Variants in ERG observed in about 807,000 individuals in gnomAD.
ERG encodes the protein transcriptional regulator ERG.
A neutral mutation model predicts 55.3 loss-of-function variants in ERG; 9 were observed. The ratio of observed to expected loss-of-function variants is 0.16; its 90% CI spans 0.10 to 0.28. The LOEUF (loss-of-function observed/expected upper bound fraction) is 0.28. Ranked by LOEUF, ERG falls within the 10% of genes least tolerant of loss-of-function variation. The probability of loss-of-function intolerance (pLI) is 1.00; values close to 1 mark genes in which losing one functional copy is unlikely to be tolerated. For synonymous variants in ERG, 223 were observed against 237.3 expected (o/e 0.94, Z 0.55); for missense variants, 434 against 631.6 (o/e 0.69, Z 3.35).
Position 38,380,809 on chromosome 21 carries a change from AT to A in ERG, c.*2593del. On this transcript the variant is annotated 3_prime_UTR_variant, in exon 10 of 10. Transcript: ENST00000288319. ...ACATCTGTTAAAATTGAATATGATA[AT>A]CATGTCTTGTTTTTATGATCTTGCT... 4 of 1,064,586 alleles carry A rather than the reference AT, an allele frequency of 3.8e-6. No homozygotes were observed. The South Asian group carries it at 1.4e-4, about 36-fold the overall frequency. 65.9% of individuals were successfully genotyped at this position (1,064,586 alleles called of 1,614,324 possible).
intron 2 of ERG, among the ~76,000 whole-genome samples, chr21:38,545,646 G>A (rs534572072): frequency 1.3e-5 from 2 of 152,280 alleles, no homozygotes; most frequent in East Asian, 1.9e-4. Flanking sequence ...GAGTCAGTAC[G>A]GTGCTACAAT....
At chr21:38,490,718 G>A (rs1331701102) in intron 1 of ERG, among the ~76,000 whole-genome samples, 1 of 152,230 alleles carries the variant, frequency 6.6e-6, no homozygotes, top group Non-Finnish European at 1.5e-5. Context: ...AAGGGAGCTA[G>A]GGCCAGGAGA....
chr21:38,623,060 A>G (rs1306012958), intron 1 of ERG, among the ~76,000 whole-genome samples: 1 of 147,366 alleles, frequency 6.8e-6, no homozygotes, highest in Non-Finnish European at 1.5e-5. Context: ...CACACACATC[A>G]TACATAAACC....
chr21:38,545,693 A>G (rs2059783843), intron 2 of ERG, among the ~76,000 whole-genome samples: 1 of 152,240 alleles, frequency 6.6e-6, no homozygotes, highest in Non-Finnish European at 1.5e-5. Flanking sequence ...GAGACCATCA[A>G]CATGCCTTGG....
intron 6 of ERG, among the ~76,000 whole-genome samples, chr21:38,393,391 C>T (rs1049586682): frequency 9.2e-5 from 14 of 152,196 alleles, no homozygotes; most frequent in African/African-American, 3.4e-4. Flanking sequence ...GCTATTTCTA[C>T]ATGCAATCTT....
chr21:38,410,473 T>C (rs1601353532), intron 3 of ERG, among the ~76,000 whole-genome samples: 1 of 152,242 alleles, frequency 6.6e-6, no homozygotes, highest in African/African-American at 2.4e-5. Context: ...AAATCTACTT[T>C]GGTAAATTGG....
intron 2 of ERG, among the ~76,000 whole-genome samples, chr21:38,572,637 A>C (rs991786086): frequency 6.6e-6 from 1 of 152,204 alleles, no homozygotes; most frequent in Admixed American, 6.5e-5. Flanking sequence ...TATCTTTAAC[A>C]CAATTCTACC....
intron 2 of ERG, among the ~76,000 whole-genome samples, chr21:38,425,029 G>C (rs916980506): frequency 6.6e-6 from 1 of 152,208 alleles, no homozygotes; most frequent in Non-Finnish European, 1.5e-5. Flanking sequence ...TTTAAACAGT[G>C]AGTTGTGAAA....
chr21:38,386,595 G>A (rs1184101018), intron 9 of ERG, among the ~76,000 whole-genome samples: 4 of 152,178 alleles, frequency 2.6e-5, no homozygotes, highest in Non-Finnish European at 5.9e-5. Flanking sequence ...GTGACGAGGT[G>A]CATTTTAGAA....
chr21:38,608,983 T>C (rs570220137), intron 1 of ERG, among the ~76,000 whole-genome samples: 16 of 152,344 alleles, frequency 1.1e-4, no homozygotes, highest in African/African-American at 3.6e-4. Flanking sequence ...TACACAGTGA[T>C]ACTACAGTCA....
At chr21:38,651,815 A>G (rs1338657261) in intron 1 of ERG, among the ~76,000 whole-genome samples, 1 of 152,110 alleles carries the variant, frequency 6.6e-6, no homozygotes, top group Non-Finnish European at 1.5e-5. Context: ...GGTGGATCTC[A>G]GCATCCGCCT....
At chr21:38,371,569 T>C in the ERG span, among the ~76,000 whole-genome samples, 2 of 152,056 alleles carry the variant, frequency 1.3e-5, no homozygotes, top group Non-Finnish European at 2.9e-5. Flanking sequence ...AGTTTGCTAG[T>C]AGTTAATAAG....
chr21:38,511,365 A>G (rs897051339), intron 2 of ERG, among the ~76,000 whole-genome samples: 21 of 152,210 alleles, frequency 1.4e-4, no homozygotes, highest in African/African-American at 5.1e-4. Context: ...TGGAATGCCT[A>G]TGGGTACAAA....
chr21:38,432,554 G>A (rs1345111695), intron 2 of ERG, among the ~76,000 whole-genome samples: 1 of 152,176 alleles, frequency 6.6e-6, no homozygotes. Context: ...GATGAGCATG[G>A]CTCCAGACTC....
In ERG at chr21:38,454,198, T is replaced by C. The variant is rs573344011; in HGVS notation, c.19-8577A>G. Among the ~76,000 whole-genome samples the C allele has an allele frequency of 4.6e-5, 7 of 152,372 alleles. 1 individual carries two copies. In the South Asian group the frequency reaches 1.4e-3, roughly 32 times the overall value. ...TTCATTTGAGATAAAAAGAAGTTTT[T>C]CTTTGCTTTTTTTAATCACTCAGTG... On this transcript the variant is annotated intron_variant, in intron 1 of 9. Coordinates refer to ENST00000288319, the MANE Select transcript of ERG (RefSeq NM_182918.4).
At chr21:38,410,635 G>A (rs1989004068) in intron 3 of ERG, among the ~76,000 whole-genome samples, 1 of 152,206 alleles carries the variant, frequency 6.6e-6, no homozygotes, top group African/African-American at 2.4e-5. Context: ...CATGAAACAG[G>A]ATTCTGACCT....
At chr21:38,469,665 A>G (rs188222507) in intron 1 of ERG, among the ~76,000 whole-genome samples, 1 of 152,066 alleles carries the variant, frequency 6.6e-6, no homozygotes. Context: ...ATGGAGAAGT[A>G]AAAAAACAAA....
chr21:38,644,963 C>A (rs2060447138), intron 1 of ERG, among the ~76,000 whole-genome samples: 2 of 152,038 alleles, frequency 1.3e-5, no homozygotes, highest in Non-Finnish European at 2.9e-5. Context: ...TAGAGAGCAG[C>A]CTGGGCAACA....
intron 1 of ERG, among the ~76,000 whole-genome samples, chr21:38,453,996 T>C (rs771927926): frequency 6.6e-6 from 1 of 151,992 alleles, no homozygotes; most frequent in East Asian, 1.9e-4. Context: ...CCTGTTTGTA[T>C]GTTTTACATT....
Sources: gnomAD v4.1 joint callset for allele counts (sites outside exome capture counted in the v4.1 genomes callset) on GRCh38, gnomAD v4.1.1 for gene constraint, MANE v1.5 for transcripts, NCBI Gene and HGNC (gene_info 2026-07-23, HGNC 2026-07-21) for gene names.